The following SIK2 variants were observed in gnomAD, a reference collection of about 807,000 sequenced individuals.
The protein encoded by SIK2 is salt inducible kinase 2, also known as serine/threonine-protein kinase SIK2.
SIK2 carries 29 observed loss-of-function variants against 103.2 expected under a neutral mutation model. That is an observed-to-expected ratio of 0.28 (90% CI 0.21 to 0.38). SIK2 has a LOEUF of 0.38. SIK2 is among the 10% of genes least tolerant of loss of function. The pLI is 1.00. For missense variants in SIK2, 879 were observed against 1,171.0 expected (o/e 0.75, Z 3.64); for synonymous variants, 412 against 446.1 (o/e 0.92, Z 0.96).
intron 3 of SIK2, among the ~76,000 whole-genome samples, chr11:111,673,539 G>A (rs1194943593): frequency 6.6e-6 from 1 of 152,164 alleles, no homozygotes; most frequent in Non-Finnish European, 1.5e-5. Context: ...CTGGCGTCTA[G>A]CAATCAGATA....
chr11:111,614,185 G>A (rs558939807), intron 1 of SIK2, among the ~76,000 whole-genome samples: 1 of 151,378 alleles, frequency 6.6e-6, no homozygotes, highest in African/African-American at 2.4e-5. Context: ...AGGTTCAAGC[G>A]ATTCTCCTGC....
intron 3 of SIK2, among the ~76,000 whole-genome samples, chr11:111,653,161 A>G (rs1942348441): frequency 6.6e-6 from 1 of 152,198 alleles, no homozygotes; most frequent in African/African-American, 2.4e-5. Flanking sequence ...CCCCTCAACC[A>G]GAAGGGCCAC....
intron 3 of SIK2, among the ~76,000 whole-genome samples, chr11:111,684,146 A>G (rs901307742): frequency 2.0e-5 from 3 of 152,226 alleles, no homozygotes; most frequent in African/African-American, 7.2e-5. Context: ...GTAACTTTAG[A>G]TTCAGATATA....
chr11:111,604,669 C>G (rs1941625224), intron 1 of SIK2, among the ~76,000 whole-genome samples: 1 of 152,092 alleles, frequency 6.6e-6, no homozygotes, highest in Admixed American at 6.6e-5. Flanking sequence ...CCGGTCAGAT[C>G]GTGAAAGAGG....
At chr11:111,638,345 C>T (rs1318080904) in intron 3 of SIK2, among the ~76,000 whole-genome samples, 1 of 152,176 alleles carries the variant, frequency 6.6e-6, no homozygotes, top group Non-Finnish European at 1.5e-5. Context: ...AGGGCACTCA[C>T]CCAGTCCATA....
In SIK2 at chr11:111,725,085, A is replaced by G. The variant is rs906147492; in HGVS notation, c.*956A>G. On this transcript the variant is annotated 3_prime_UTR_variant, in exon 15 of 15. Coordinates refer to ENST00000304987, the MANE Select transcript of SIK2 (RefSeq NM_015191.3). ...GCTAGTAGTTTATTGAGCTTTGTAT[A>G]TTTGGACAGTTTCATATAGGGCTTA... 1 of 152,666 alleles carries G rather than the reference A, an allele frequency of 6.6e-6. No homozygotes were observed. Among genetic ancestry groups the G allele is most frequent in the African/African-American group, 2.4e-5 (1 of 41,456 alleles). 9.5% of individuals were successfully genotyped at this position (152,666 alleles called of 1,614,324 possible). A position where few individuals can be genotyped will look rare whatever the true frequency, so the allele number is the denominator to read the frequency against.
At chr11:111,615,753 G>A (rs1377504904) in intron 1 of SIK2, among the ~76,000 whole-genome samples, 3 of 152,114 alleles carry the variant, frequency 2.0e-5, no homozygotes, top group Non-Finnish European at 4.4e-5. Flanking sequence ...CTCATGTAAT[G>A]AGTTTTAATA....
At chr11:111,682,721 A>G (rs1942792740) in intron 3 of SIK2, among the ~76,000 whole-genome samples, 1 of 152,264 alleles carries the variant, frequency 6.6e-6, no homozygotes, top group African/African-American at 2.4e-5. Flanking sequence ...ATGTATGTAC[A>G]AAACTTTCAT....
At chr11:111,641,993 C>T (rs532451179) in intron 3 of SIK2, among the ~76,000 whole-genome samples, 1 of 152,290 alleles carries the variant, frequency 6.6e-6, no homozygotes, top group African/African-American at 2.4e-5. Context: ...CAGTACCAGA[C>T]TTAGTAAATG....
At chr11:111,655,588 C>G (rs1387948915) in intron 3 of SIK2, among the ~76,000 whole-genome samples, 1 of 152,036 alleles carries the variant, frequency 6.6e-6, no homozygotes, top group Non-Finnish European at 1.5e-5. Flanking sequence ...TATACAGAGG[C>G]TTTGACAATG....
chr11:111,649,561 G>T (rs1212358925), intron 3 of SIK2, among the ~76,000 whole-genome samples: 1 of 151,958 alleles, frequency 6.6e-6, no homozygotes, highest in Non-Finnish European at 1.5e-5. Context: ...ATGTACTTGG[G>T]TAGTTACATT....
chr11:111,720,945 A>G lies in SIK2; in HGVS notation c.1827A>G (p.Lys609=). The G allele has an allele frequency of 1.2e-6, 2 of 1,614,190 alleles. No individual in the cohort carries two copies. Among genetic ancestry groups the G allele is most frequent in the South Asian group, 2.2e-5 (2 of 91,082 alleles). The change falls in exon 12 of 15, where the codon AAA becomes AAG. Residue 609 remains lysine (K), a synonymous_variant. Coordinates refer to ENST00000304987, the MANE Select transcript of SIK2 (RefSeq NM_015191.3). ...ATCTTCAGAATCTGGCTAGAACCAA[A>G]GGAATTCTAGAGTTGAACAAAGTGC... ...RQHLQNLART[K]GILELNKVQL...
rs1247477510 is a variant in SIK2, at chr11:111,705,988, T to A, written c.1101+849T>A. On this transcript the variant is annotated intron_variant, in intron 8 of 14. Transcript: ENST00000304987. This position sits in a 1 kb window ranked among gnomAD's most constrained non-coding sequence, Gnocchi z 4.3. ...CTTAGAGGTAGACTCTGTATGAAGT[T>A]AGCAATGGTTCGGAGAGGCAGCTCA... Among the ~76,000 whole-genome samples, 2 of 152,120 alleles carry A rather than the reference T, an allele frequency of 1.3e-5. No homozygotes were observed. The highest frequency in any genetic ancestry group is 1.5e-5 in the Non-Finnish European group (1 of 68,008).
chr11:111,715,281 C>T lies in SIK2; in HGVS notation c.1266+2906C>T, dbSNP rs112249900. 6.6e-3 allele frequency among the ~76,000 whole-genome samples: 999 copies of T among 152,234 alleles called. 10 individuals carry two copies. The highest frequency in any genetic ancestry group is 0.022 in the African/African-American group (933 of 41,524). ...CTTGTCCCTCTTCCCTCCCTAAGAC[C>T]TCTTTCTTGGGGCCCATAAATAAGT... On this transcript the variant is annotated intron_variant, in intron 9 of 14. Transcript: ENST00000304987.
At chr11:111,655,307 G>C (rs929788312) in intron 3 of SIK2, among the ~76,000 whole-genome samples, 1 of 152,118 alleles carries the variant, frequency 6.6e-6, no homozygotes, top group African/African-American at 2.4e-5. Flanking sequence ...GAGGCTGAGA[G>C]GCGAGAGAAT....
intron 3 of SIK2, among the ~76,000 whole-genome samples, chr11:111,656,040 A>T (rs1190873347): frequency 2.0e-5 from 3 of 151,034 alleles, no homozygotes; most frequent in Non-Finnish European, 3.0e-5. Flanking sequence ...AAAAAAAAAA[A>T]ATAGCCTGGT....
chr11:111,706,153 C>T (rs1359794206), intron 8 of SIK2, among the ~76,000 whole-genome samples: 3 of 152,146 alleles, frequency 2.0e-5, no homozygotes, highest in African/African-American at 7.2e-5. Flanking sequence ...AATGCTATGA[C>T]AATTAAATTA....
intron 7 of SIK2, 132 bp downstream of exon 7, chr11:111,703,555 T>G: frequency 1.4e-6 from 1 of 718,026 alleles, no homozygotes; most frequent in Admixed American, 2.6e-5. Flanking sequence ...TCCCTATAGA[T>G]GACATCAGAC....
chr11:111,658,585 A>C (rs1037440303), intron 3 of SIK2, among the ~76,000 whole-genome samples: 1 of 152,148 alleles, frequency 6.6e-6, no homozygotes, highest in Non-Finnish European at 1.5e-5. Context: ...TCTACAAAAA[A>C]CACAAAAATT....
Sources: allele counts gnomAD v4.1 joint callset (sites outside exome capture counted in the v4.1 genomes callset), GRCh38; gene constraint gnomAD v4.1.1; non-coding constraint Gnocchi (gnomAD v3.1); transcripts MANE v1.5; gene names NCBI Gene and HGNC (gene_info 2026-07-23, HGNC 2026-07-21).